Variants in SORCS1 observed in about 807,000 individuals in gnomAD.
SORCS1 encodes sortilin related VPS10 domain containing receptor 1.
Under a neutral mutation model 146.1 loss-of-function variants are expected in SORCS1, and 60 were observed. That is an observed-to-expected ratio of 0.41 (90% CI 0.33 to 0.51). The LOEUF (loss-of-function observed/expected upper bound fraction) is 0.51. SORCS1 is among the 20% of genes least tolerant of loss of function. The probability of loss-of-function intolerance (pLI) is 0.21; values close to 1 mark genes in which losing one functional copy is unlikely to be tolerated. For missense variants in SORCS1, 1,352 were observed against 1,487.6 expected, an observed-to-expected ratio of 0.91 and a Z score of 1.50; for synonymous variants, 637 against 584.0, an observed-to-expected ratio of 1.09 and a Z score of -1.31.
intron 2 of SORCS1, among the ~76,000 whole-genome samples, chr10:106,867,099 T>G (rs1394361771): frequency 6.6e-6 from 1 of 151,850 alleles, no homozygotes. Flanking sequence ...CTCTGCAAGA[T>G]TCTACACCAG....
chr10:106,673,269 T>C (rs1019131775), intron 14 of SORCS1, among the ~76,000 whole-genome samples: 1 of 151,900 alleles, frequency 6.6e-6, no homozygotes, highest in Non-Finnish European at 1.5e-5. Context: ...CTAGCTGGGA[T>C]TACAGGCACG....
At chr10:106,682,067 GCAGTTAGC>G (rs1368947097) in intron 10 of SORCS1, among the ~76,000 whole-genome samples, 1 of 152,208 alleles carries the variant, frequency 6.6e-6, no homozygotes, top group Non-Finnish European at 1.5e-5. Flanking sequence ...GGTGGAGGTT[GCAGTTAGC>G]CAAGATCACA....
intron 1 of SORCS1, among the ~76,000 whole-genome samples, chr10:107,070,734 AAAAGCAAAAATTTC>A (rs559162291): frequency 1.1e-3 from 174 of 152,328 alleles, no homozygotes; most frequent in African/African-American, 3.4e-3. Flanking sequence ...TAAAATTTCA[AAAAGCAAAAATTTC>A]AAAACAAAAA....
chr10:106,676,772 T>G (rs1325271012), intron 13 of SORCS1, among the ~76,000 whole-genome samples: 4 of 152,276 alleles, frequency 2.6e-5, no homozygotes, highest in Non-Finnish European at 5.9e-5. Flanking sequence ...TTGATCCTCC[T>G]TGTCTTAAAA....
chr10:106,952,325 G>C (rs1037182772), intron 2 of SORCS1, among the ~76,000 whole-genome samples: 2 of 152,190 alleles, frequency 1.3e-5, no homozygotes, highest in African/African-American at 4.8e-5. Context: ...GCAGGAGAAA[G>C]TCAGTTTGTG....
At chr10:106,953,456 A>G (rs1201795265) in intron 2 of SORCS1, among the ~76,000 whole-genome samples, 1 of 152,022 alleles carries the variant, frequency 6.6e-6, no homozygotes. Context: ...TTTTTCCCCC[A>G]ACAGTTTTGA....
rs578052423 is a variant in SORCS1, at chr10:106,670,281, AGCTAGCTTTCT to A, written c.2189+945_2189+955del. On this transcript the variant is annotated intron_variant, in intron 16 of 25. Coordinates refer to ENST00000263054, the MANE Select transcript of SORCS1 (RefSeq NM_052918.5). ...AGCCAAGGGCTTCACAGTGCCCACA[AGCTAGCTTTCT>A]GCTGAGCAAATGTCTCAAGAAGGAC... 2.7e-3 allele frequency among the ~76,000 whole-genome samples: 413 copies of A among 152,232 alleles called. 3 individuals are homozygous for A. Among genetic ancestry groups the A allele is most frequent in the African/African-American group, 9.6e-3 (397 of 41,472 alleles).
At chr10:106,710,857 A>G (rs1050402421) in intron 6 of SORCS1, among the ~76,000 whole-genome samples, 1 of 152,152 alleles carries the variant, frequency 6.6e-6, no homozygotes, top group African/African-American at 2.4e-5. Context: ...ACCACTTTAA[A>G]GACTCTTCAT....
At position 106,577,740 on chromosome 10, in the gene SORCS1, C is replaced by A. The variant is rs543992109; in HGVS notation, c.3372-185G>T. The A allele has an allele frequency of 2.9e-5, 35 of 1,220,996 alleles. No homozygotes were observed. The East Asian group carries it at 8.5e-4, about 30-fold the overall frequency. 75.6% of individuals were successfully genotyped at this position (1,220,996 alleles called of 1,614,324 possible). A position where few individuals can be genotyped will look rare whatever the true frequency, so the allele number is the denominator to read the frequency against. On this transcript the variant is annotated intron_variant, in intron 25 of 25. Coordinates refer to ENST00000263054, the MANE Select transcript of SORCS1 (RefSeq NM_052918.5). ...GAGAACCAAACGATCCCCAAAAATGCACTTAGAAGCTTTAGGAATGAGTAG... is the reference window on the plus strand; with the variant it reads ...GAGAACCAAACGATCCCCAAAAATGAACTTAGAAGCTTTAGGAATGAGTAG...
intron 23 of SORCS1, among the ~76,000 whole-genome samples, chr10:106,601,315 G>A (rs1846227667): frequency 6.6e-6 from 1 of 152,192 alleles, no homozygotes; most frequent in Non-Finnish European, 1.5e-5. Flanking sequence ...CCTGTATACA[G>A]TCATCCCTCT....
At chr10:106,843,618 G>C (rs1042784008) in intron 2 of SORCS1, among the ~76,000 whole-genome samples, 7 of 151,890 alleles carry the variant, frequency 4.6e-5, no homozygotes, top group African/African-American at 1.7e-4. Flanking sequence ...TGTATTTTTA[G>C]TAGAGACGGG....
chr10:106,593,593 C>T (rs1305765231), intron 24 of SORCS1, among the ~76,000 whole-genome samples: 1 of 152,210 alleles, frequency 6.6e-6, no homozygotes, highest in African/African-American at 2.4e-5. Context: ...TCTATATCTA[C>T]TCCAGTTGCT....
chr10:107,126,032 T>C (rs187702846), intron 1 of SORCS1, among the ~76,000 whole-genome samples: 1 of 152,198 alleles, frequency 6.6e-6, no homozygotes, highest in Non-Finnish European at 1.5e-5. Flanking sequence ...TTCAATCTAA[T>C]TAAATACTTA....
chr10:106,861,395 G>A (rs555476056), intron 2 of SORCS1, among the ~76,000 whole-genome samples: 4 of 110,952 alleles, frequency 3.6e-5, no homozygotes, highest in African/African-American at 7.1e-5. Context: ...GTGAGACTCC[G>A]CCTTAAAAAA....
At chr10:106,839,956 C>G (rs931602025) in intron 2 of SORCS1, among the ~76,000 whole-genome samples, 7 of 152,142 alleles carry the variant, frequency 4.6e-5, no homozygotes, top group African/African-American at 1.2e-4. Context: ...TAAAAAGATT[C>G]CTTTCAAAAT....
intron 21 of SORCS1, among the ~76,000 whole-genome samples, chr10:106,612,876 C>A (rs1847102483): frequency 1.3e-5 from 2 of 152,040 alleles, no homozygotes. Context: ...TGACCCTGGG[C>A]CTCTTTGCAC....
chr10:106,709,487 C>T (rs569469002), intron 6 of SORCS1, 146 bp from the exon 7 acceptor site: 21 of 431,264 alleles, frequency 4.9e-5, no homozygotes, highest in Admixed American at 4.4e-4. Flanking sequence ...CTCGCTCTGT[C>T]GCCCAGGCTG....
intron 21 of SORCS1, among the ~76,000 whole-genome samples, chr10:106,612,700 A>G (rs1276102252): frequency 6.6e-6 from 1 of 152,086 alleles, no homozygotes; most frequent in Non-Finnish European, 1.5e-5. Flanking sequence ...TGCATACCAA[A>G]GGTTGCCAGC....
At chr10:107,168,482 C>A (rs188697229), upstream of SORCS1, among the ~76,000 whole-genome samples, 5 of 152,176 alleles carry the variant, frequency 3.3e-5, no homozygotes, top group African/African-American at 9.7e-5. Flanking sequence ...TCAACATTAA[C>A]CTCATTTCAA....
Sources: gnomAD v4.1 joint callset for allele counts (sites outside exome capture counted in the v4.1 genomes callset) on GRCh38, gnomAD v4.1.1 for gene constraint, MANE v1.5 for transcripts, NCBI Gene and HGNC (gene_info 2026-07-23, HGNC 2026-07-21) for gene names.